Variants in NOP14 observed in about 807,000 individuals in gnomAD.
The protein encoded by NOP14 is NOP14 nucleolar protein, also known as nucleolar protein 14.
Under a neutral mutation model 101.6 loss-of-function variants are expected in NOP14, and 57 were observed. The ratio of observed to expected loss-of-function variants is 0.56; its 90% CI spans 0.45 to 0.70. NOP14 has a LOEUF of 0.70. Ranked by LOEUF, NOP14 falls within the 30% of genes least tolerant of loss-of-function variation. The pLI is 0.00. For synonymous variants in NOP14, 428 were observed against 424.0 expected (o/e 1.01, Z -0.12); for missense variants, 1,134 against 1,075.5 (o/e 1.05, Z -0.76).
At chr4:2,954,998 C>A (rs1715245278) in intron 3 of NOP14, among the ~76,000 whole-genome samples, 1 of 151,678 alleles carries the variant, frequency 6.6e-6, no homozygotes, top group South Asian at 2.1e-4. Context: ...CCTCTAGTCA[C>A]CTGCACGCCA....
At chr4:2,946,156 CACT>C (rs1714618260) in intron 11 of NOP14, among the ~76,000 whole-genome samples, 1 of 136,260 alleles carries the variant, frequency 7.3e-6, no homozygotes. Context: ...AGATCACCCT[CACT>C]GCCGTGCACT....
intron 11 of NOP14, 88 bp downstream of exon 11, chr4:2,946,324 C>T: frequency 4.0e-6 from 6 of 1,487,970 alleles, no homozygotes; most frequent in Non-Finnish European, 5.6e-6. Flanking sequence ...CAGGGTACAG[C>T]CAAGAGCATC....
rs574453000 is a variant in NOP14 at position 2,939,463 on chromosome 4, C to A, written c.2318+64G>T. The A allele has an allele frequency of 1.9e-6, 3 of 1,593,492 alleles. No homozygotes were observed. The Admixed American group carries it at 5.0e-5, about 27-fold the overall frequency. ...TGCTCAACTGCAGAACTGGCAGACG[C>A]CCCCCGTCAGCTCCCACTGAGCCCA... On this transcript the variant is annotated intron_variant, in intron 16 of 17. Coordinates refer to ENST00000416614, the MANE Select transcript of NOP14 (RefSeq NM_001291978.2).
At chr4:2,944,552 ATG>A (rs1333688409) in intron 12 of NOP14, among the ~76,000 whole-genome samples, 1 of 152,144 alleles carries the variant, frequency 6.6e-6, no homozygotes, top group Non-Finnish European at 1.5e-5. Context: ...GATTACAGGC[ATG>A]TGGCACCACA....
chr4:2,944,170 G>T lies in NOP14; in HGVS notation c.1794C>A (p.Phe598Leu), dbSNP rs1714434752. 1 of 1,614,062 alleles carries T rather than the reference G, an allele frequency of 6.2e-7. No individual in the cohort carries two copies. Among genetic ancestry groups the T allele is most frequent in the Non-Finnish European group, 8.5e-7 (1 of 1,179,972 alleles). Residue 598 changes from phenylalanine to leucine, a missense_variant, in exon 13 of 18, where the codon TTC becomes TTA. Transcript: ENST00000416614. ...TCTGGGACAAAGCCACATACTCCAG[G>T]AACAGGCAGCACACGAACAGGCCCT... ...VVKGLFVCCL[F>L]LEYVALSQRF...
Position 2,946,539 on chromosome 4 carries a change from T to C in NOP14, c.1508A>G (p.Tyr503Cys), listed in dbSNP as rs1330768079. 1.9e-6 allele frequency: 3 copies of C among 1,614,166 alleles called. No homozygotes were observed. Among genetic ancestry groups the C allele is most frequent in the East Asian group, 2.2e-5 (1 of 44,884 alleles). Residue 503 changes from tyrosine (Y) to cysteine (C), a missense_variant, in exon 11 of 18, where the codon TAT becomes TGT. Transcript: ENST00000416614. ...TVIDKLVVHL[Y>C]HLCQMFPESA... Reference sequence around the variant, plus strand: ...TTCAGGAAACATCTGGCAAAGATGATATAAGTGCCTGTTAAGCAGAAATGT... The same window carrying C: ...TTCAGGAAACATCTGGCAAAGATGACATAAGTGCCTGTTAAGCAGAAATGT...
chr4:2,953,797 T>C (rs1228094103), intron 4 of NOP14, 152 bp from the exon 5 acceptor site: 1 of 824,614 alleles, frequency 1.2e-6, no homozygotes, highest in Non-Finnish European at 1.9e-6. Context: ...ATGAGTATTT[T>C]AAATGCAAAG....
At position 2,942,181 on chromosome 4, in the gene NOP14, C is replaced by T; in HGVS notation, c.2051+11G>A. 4 of 1,611,242 alleles carry T rather than the reference C, an allele frequency of 2.5e-6. No homozygotes were observed. Among genetic ancestry groups the T allele is most frequent in the Non-Finnish European group, 3.4e-6 (4 of 1,177,834 alleles). On this transcript the variant is annotated intron_variant, in intron 14 of 17. Coordinates refer to ENST00000416614, the MANE Select transcript of NOP14 (RefSeq NM_001291978.2). Reference sequence around the variant, plus strand: ...AGGGCACAGGCCCCAAAGCGGGGTCCCCTCACATACCGGATGTGATTGGCC... The same window carrying T: ...AGGGCACAGGCCCCAAAGCGGGGTCTCCTCACATACCGGATGTGATTGGCC...
Position 2,952,378 on chromosome 4 carries a change from A to C in NOP14, c.767T>G (p.Met256Arg). 6.2e-7 allele frequency: 1 copy of C among 1,612,806 alleles called. No homozygotes were observed. The highest frequency in any genetic ancestry group is 1.1e-5 in the South Asian group (1 of 90,940). The change falls in exon 6 of 18, where the codon ATG becomes AGG. Residue 256 changes from methionine (M) to arginine (R), a missense_variant. Met to Arg is a moderately conservative substitution (Grantham distance 91). Transcript: ENST00000416614. ...EKPKPDAYDM[M>R]VRELGFEMKA... The stretch of plus-strand genomic sequence containing the variant: ...CATTTCAAAGCCAAGCTCGCGAACC[A>C]TCATGTCATATGCATCGGGCTAAGG...
Position 2,957,619 on chromosome 4 carries a change from G to A in NOP14, c.317C>T (p.Ala106Val), listed in dbSNP as rs1053648806. 7.4e-6 allele frequency: 12 copies of A among 1,614,008 alleles called. No individual in the cohort carries two copies. The highest frequency in any genetic ancestry group is 6.7e-5 in the Admixed American group (4 of 59,992). ...SPEEKMMKRF[A>V]LEQQRHHEKK... is the part of the protein sequence containing the mutation. ...TTCTTTCCATACCTGCTGTTCCAGA[G>A]CAAACCTCTTCATCATCTTCTCCTC... Residue 106 changes from alanine (A) to valine (V), a missense_variant, in exon 2 of 18, where the codon GCT becomes GTT. Ala to Val is a moderately conservative substitution (Grantham distance 64, BLOSUM62 0). Transcript: ENST00000416614.
At chr4:2,949,495 C>T (rs1280832556) in intron 8 of NOP14, among the ~76,000 whole-genome samples, 1 of 152,188 alleles carries the variant, frequency 6.6e-6, no homozygotes, top group East Asian at 1.9e-4. Flanking sequence ...ATCAGCCACG[C>T]ACCTGGCCTG....
chr4:2,949,975 G>C lies in NOP14; in HGVS notation c.1241C>G (p.Ala414Gly). 6.2e-7 allele frequency: 1 copy of C among 1,614,084 alleles called. No homozygotes were observed. The highest frequency in any genetic ancestry group is 1.1e-5 in the South Asian group (1 of 91,068). ...CAGCTCGTCTCTGGTAGCTTTTCCAGCTCTTTCCTTGCCGCTTATCAACCC... is the reference window on the plus strand; with the variant it reads ...CAGCTCGTCTCTGGTAGCTTTTCCACCTCTTTCCTTGCCGCTTATCAACCC... The part of the protein sequence containing the change: ...GKGLISGKER[A>G]GKATRDELPY... The change falls in exon 8 of 18, where the codon GCT becomes GGT. Residue 414 changes from alanine (A) to glycine (G), a missense_variant. Transcript: ENST00000416614.
chr4:2,956,050 A>G (rs1338424598), intron 3 of NOP14, among the ~76,000 whole-genome samples: 1 of 152,268 alleles, frequency 6.6e-6, no homozygotes, highest in African/African-American at 2.4e-5. Flanking sequence ...AATTGATGTC[A>G]TGACTGCAAC....
At chr4:2,942,888 G>A (rs180805272) in intron 13 of NOP14, among the ~76,000 whole-genome samples, 11 of 152,278 alleles carry the variant, frequency 7.2e-5, no homozygotes, top group Non-Finnish European at 1.3e-4. Context: ...AATCCAGGCC[G>A]AGGGTGTGGC....
At chr4:2,959,351 G>A (rs1168200755) in intron 1 of NOP14, among the ~76,000 whole-genome samples, 2 of 152,316 alleles carry the variant, frequency 1.3e-5, no homozygotes, top group South Asian at 4.1e-4. Context: ...CCAGCACTCT[G>A]GGAGGCCAAG....
At chr4:2,955,996 A>G (rs1043868475) in intron 3 of NOP14, among the ~76,000 whole-genome samples, 1 of 152,208 alleles carries the variant, frequency 6.6e-6, no homozygotes, top group African/African-American at 2.4e-5. Context: ...TGTTCTGAAG[A>G]TGCTGGAAAT....
intron 1 of NOP14, 113 bp downstream of exon 1, chr4:2,963,012 C>G: frequency 1.8e-6 from 2 of 1,121,940 alleles, no homozygotes; most frequent in Non-Finnish European, 2.4e-6. Flanking sequence ...GTGTGCCTGT[C>G]ACGGCCTGTG....
At chr4:2,956,920 G>A (rs769071033) in intron 2 of NOP14, 109 bp from the exon 3 acceptor site, 16 of 968,486 alleles carry the variant, frequency 1.7e-5, no homozygotes, top group Non-Finnish European at 2.4e-5. Context: ...ATATGACAAC[G>A]AATCCTAAGC....
chr4:2,944,483 T>C (rs1714461993), intron 12 of NOP14, among the ~76,000 whole-genome samples: 1 of 152,308 alleles, frequency 6.6e-6, no homozygotes, highest in East Asian at 1.9e-4. Context: ...CTCGGCTCAC[T>C]GCAACCTCCA....
Sources: allele counts gnomAD v4.1 joint callset (sites outside exome capture counted in the v4.1 genomes callset), GRCh38; gene constraint gnomAD v4.1.1; transcripts MANE v1.5; gene names NCBI Gene and HGNC (gene_info 2026-07-23, HGNC 2026-07-21).